The following CRYBB3 variants were observed in gnomAD, a reference collection of about 807,000 sequenced individuals.
CRYBB3 encodes crystallin beta B3.
CRYBB3 carries 35 observed loss-of-function variants against 28.3 expected under a neutral mutation model. The ratio of observed to expected loss-of-function variants is 1.24; its 90% confidence interval spans 0.95 to 1.64. CRYBB3 has a LOEUF of 1.64. CRYBB3 is among the 40% of genes most tolerant of loss of function. The pLI, the probability that CRYBB3 is intolerant of heterozygous loss-of-function variation, is 0.00. For missense variants in CRYBB3, 296 were observed against 297.4 expected (o/e 1.00, Z 0.04); for synonymous variants, 106 against 110.4 (o/e 0.96, Z 0.25).
At chr22:25,203,994 C>G in intron 4 of CRYBB3, 99 bp downstream of exon 4, 1 of 1,448,632 alleles carries the variant, frequency 6.9e-7, no homozygotes, top group South Asian at 1.1e-5. Flanking sequence ...GAGGGTTTGG[C>G]CCATATGGAC....
Position 25,203,902 on chromosome 22 carries a change from G to A in CRYBB3, c.327+7G>A, listed in dbSNP as rs1291311698. ...CCTCCGGCCTCTGAATATTGTGAGTGTGGTTCCTGCTCACTTCTGGGTGTT... is the reference window on the plus strand; with the variant it reads ...CCTCCGGCCTCTGAATATTGTGAGTATGGTTCCTGCTCACTTCTGGGTGTT... On this transcript the variant is annotated splice_region_variant and intron_variant, in intron 4 of 5. Coordinates refer to ENST00000215855, the MANE Select transcript of CRYBB3 (RefSeq NM_004076.5). The A allele has an allele frequency of 6.2e-7, 1 of 1,614,012 alleles. No individual in the cohort carries two copies. Among genetic ancestry groups the A allele is most frequent in the African/African-American group, 1.3e-5 (1 of 74,924 alleles).
chr22:25,207,012 A>G (rs367647319), intron 5 of CRYBB3, 35 bp from the exon 6 acceptor site: 278 of 1,561,458 alleles, frequency 1.8e-4, no homozygotes, highest in Non-Finnish European at 2.3e-4. Context: ...GACTGGAAGC[A>G]GACCGTCCAC....
At position 25,202,737 on chromosome 22, in the gene CRYBB3, A is replaced by G. The variant is rs1377207398; in HGVS notation, c.139A>G (p.Ser47Gly). 2 of 1,614,100 alleles carry G rather than the reference A, an allele frequency of 1.2e-6. No homozygotes were observed. Among genetic ancestry groups the G allele is most frequent in the Admixed American group, 1.7e-5 (1 of 60,022 alleles). ...KRCELSAECPSLTDSLLEKVG... is the reference protein window; with the variant it reads ...KRCELSAECPGLTDSLLEKVG... ...CTGCGAGCTCTCGGCCGAGTGCCCC[A>G]GCCTGACCGACAGCCTGCTGGAGAA... Residue 47 changes from serine to glycine, a missense_variant, in exon 3 of 6, where the codon AGC becomes GGC. Physicochemically the swap from Ser to Gly is moderately conservative, Grantham distance 56 (BLOSUM62 0). Transcript: ENST00000215855.
chr22:25,202,479 A>C (rs573427379), intron 2 of CRYBB3, among the ~76,000 whole-genome samples, 195 bp from the exon 3 acceptor site: 31 of 152,148 alleles, frequency 2.0e-4, no homozygotes, highest in Non-Finnish European at 3.7e-4. Context: ...CACTAGTTTA[A>C]TTGGTCTCAT....
chr22:25,205,451 A>T (rs541995117), intron 5 of CRYBB3, 89 bp downstream of exon 5: 2 of 1,381,984 alleles, frequency 1.4e-6, no homozygotes, highest in East Asian at 2.7e-5. Flanking sequence ...GTTTCTTATT[A>T]TTTTATTTAT....
chr22:25,205,380 C>T lies in CRYBB3; in HGVS notation c.470+18C>T. The T allele has an allele frequency of 1.9e-6, 3 of 1,613,744 alleles. No homozygotes were observed. Among genetic ancestry groups the T allele is most frequent in the Non-Finnish European group, 2.5e-6 (3 of 1,179,818 alleles). Reference sequence around the variant, plus strand: ...AACGGGACGTAAGGGACCCAACCCTCACCCTTGCCCCATCTTCTGGTCAGC... The same window carrying T: ...AACGGGACGTAAGGGACCCAACCCTTACCCTTGCCCCATCTTCTGGTCAGC... On this transcript the variant is annotated intron_variant, in intron 5 of 5. Transcript: ENST00000215855.
intron 4 of CRYBB3, among the ~76,000 whole-genome samples, chr22:25,204,700 G>A (rs946214964): frequency 6.6e-6 from 1 of 152,130 alleles, no homozygotes; most frequent in Non-Finnish European, 1.5e-5. Flanking sequence ...TTACAGGCCT[G>A]AGCCACCACG....
Position 25,201,500 on chromosome 22 carries a change from C to T in CRYBB3, c.75+29C>T, listed in dbSNP as rs187054110. Reference sequence around the variant, plus strand: ...CTGGGCAGGGAGGGGGTCAGAGGGCCCAGGCTACTCCTGGGCCTCAGGGTC... The same window carrying T: ...CTGGGCAGGGAGGGGGTCAGAGGGCTCAGGCTACTCCTGGGCCTCAGGGTC... On this transcript the variant is annotated intron_variant, in intron 2 of 5. Transcript: ENST00000215855. 2.7e-4 allele frequency: 432 copies of T among 1,609,310 alleles called. 1 individual carries two copies. In the African/African-American group the frequency reaches 4.8e-3, roughly 18 times the overall value.
At chr22:25,201,350 A>G (rs376429738) in intron 1 of CRYBB3, 27 bp from the exon 2 acceptor site, 35 of 1,610,358 alleles carry the variant, frequency 2.2e-5, no homozygotes, top group Non-Finnish European at 2.7e-5. Flanking sequence ...GGGTGGATCC[A>G]GTGAACCATT....
chr22:25,201,908 C>G (rs1186186394), intron 2 of CRYBB3, among the ~76,000 whole-genome samples: 1 of 152,166 alleles, frequency 6.6e-6, no homozygotes, highest in Non-Finnish European at 1.5e-5. Context: ...GGCTGAAAGA[C>G]ATGAGTGAAG....
chr22:25,204,334 T>C (rs539208429), intron 4 of CRYBB3, among the ~76,000 whole-genome samples: 2 of 152,362 alleles, frequency 1.3e-5, no homozygotes, highest in African/African-American at 4.8e-5. Context: ...TTTATTTATT[T>C]ATTTTTCGAG....
Position 25,203,767 on chromosome 22 carries a change from C to T in CRYBB3, c.199C>T (p.Leu67=), listed in dbSNP as rs1345836236. 3 of 1,614,206 alleles carry T rather than the reference C, an allele frequency of 1.9e-6. No individual in the cohort carries two copies. Among genetic ancestry groups the T allele is most frequent in the Non-Finnish European group, 2.5e-6 (3 of 1,180,036 alleles). Reference sequence around the variant, plus strand: ...CCAAGCCTCTTCCTCCCTCAGGTGGCTGGCATTTGAGTCCAGGGCCTTCCG... The same window carrying T: ...CCAAGCCTCTTCCTCCCTCAGGTGGTTGGCATTTGAGTCCAGGGCCTTCCG... ...GSIQVESGPW[L]AFESRAFRGE... Residue 67 remains leucine (L), a synonymous_variant, in exon 4 of 6, where the codon CTG becomes TTG. Transcript: ENST00000215855.
rs144697511 is a variant in CRYBB3 at position 25,203,770 on chromosome 22, G to T, written c.202G>T (p.Ala68Ser). Residue 68 changes from alanine (A) to serine (S), a missense_variant, in exon 4 of 6, where the codon GCA becomes TCA. By Grantham distance (99) the Ala-to-Ser change is moderately conservative. Coordinates refer to ENST00000215855, the MANE Select transcript of CRYBB3 (RefSeq NM_004076.5). ...SIQVESGPWLAFESRAFRGEQ... is the reference protein window; with the variant it reads ...SIQVESGPWLSFESRAFRGEQ... ...AGCCTCTTCCTCCCTCAGGTGGCTG[G>T]CATTTGAGTCCAGGGCCTTCCGCGG... The T allele has an allele frequency of 6.2e-6, 10 of 1,614,190 alleles. No homozygotes were observed. The East Asian group carries it at 2.0e-4, about 32-fold the overall frequency.
At chr22:25,202,092 C>T (rs1934957156) in intron 2 of CRYBB3, among the ~76,000 whole-genome samples, 1 of 152,194 alleles carries the variant, frequency 6.6e-6, no homozygotes, top group Non-Finnish European at 1.5e-5. Context: ...AGGCAAGTAT[C>T]TTACCCTTTC....
intron 4 of CRYBB3, 110 bp from the exon 5 acceptor site, chr22:25,205,110 G>T: frequency 6.9e-7 from 1 of 1,439,898 alleles, no homozygotes; most frequent in Non-Finnish European, 9.7e-7. Flanking sequence ...GCAGGTTTGG[G>T]GGTGGGTGTT....
At chr22:25,203,502 G>A (rs149348565) in intron 3 of CRYBB3, among the ~76,000 whole-genome samples, 280 of 152,352 alleles carry the variant, frequency 1.8e-3, no homozygotes, top group African/African-American at 6.5e-3. Flanking sequence ...ACCGGGCATT[G>A]TGCTAAAGAC....
At chr22:25,201,285 G>C in intron 1 of CRYBB3, 92 bp from the exon 2 acceptor site, 1 of 1,585,480 alleles carries the variant, frequency 6.3e-7, no homozygotes, top group South Asian at 1.1e-5. Context: ...CCCATGGGCA[G>C]CAAGGCTCTG....
At chr22:25,206,409 G>A (rs1273030524) in intron 5 of CRYBB3, among the ~76,000 whole-genome samples, 3 of 152,142 alleles carry the variant, frequency 2.0e-5, no homozygotes, top group Non-Finnish European at 4.4e-5. Context: ...CGGGCATGGT[G>A]GCGCATGCCT....
rs750079699 is a variant in CRYBB3 at position 25,207,116 on chromosome 22, C to A, written c.540C>A (p.His180Gln). 2 of 1,613,718 alleles carry A rather than the reference C, an allele frequency of 1.2e-6. No individual in the cohort carries two copies. Among genetic ancestry groups the A allele is most frequent in the South Asian group, 2.2e-5 (2 of 91,082 alleles). The change falls in exon 6 of 6, where the codon CAC becomes CAA. Residue 180 changes from histidine to glutamine, a missense_variant. By Grantham distance (24) the His-to-Gln change is conservative (BLOSUM62 0). Coordinates refer to ENST00000215855, the MANE Select transcript of CRYBB3 (RefSeq NM_004076.5). ...QYVFERGEYR[H>Q]WNEWDASQPQ... is the part of the protein sequence containing the mutation. ...TGTTTGAGCGGGGCGAGTACCGCCA[C>A]TGGAATGAGTGGGACGCCAGCCAGC...
Sources: allele counts gnomAD v4.1 joint callset (sites outside exome capture counted in the v4.1 genomes callset), GRCh38; gene constraint gnomAD v4.1.1; transcripts MANE v1.5; gene names NCBI Gene and HGNC (gene_info 2026-07-23, HGNC 2026-07-21).